The following TET1 variants were observed in gnomAD, a reference collection of about 807,000 sequenced individuals.
The protein encoded by TET1 is tet methylcytosine dioxygenase 1.
TET1 carries 13 observed loss-of-function variants against 148.7 expected under a neutral mutation model. The observed-to-expected ratio is 0.09, with a 90% CI of 0.06 to 0.14. The LOEUF (loss-of-function observed/expected upper bound fraction) is 0.14, where lower values mean the gene tolerates loss of function less well. TET1 is among the 10% of genes least tolerant of loss of function. The pLI is 1.00. For missense variants in TET1, 2,182 were observed against 2,553.8 expected, an observed-to-expected ratio of 0.85 and a Z score of 3.14; for synonymous variants, 907 against 937.2, an observed-to-expected ratio of 0.97 and a Z score of 0.59.
intron 9 of TET1, 146 bp from the exon 10 acceptor site, chr10:68,682,690 A>G: frequency 1.1e-6 from 1 of 898,264 alleles, no homozygotes; most frequent in Non-Finnish European, 1.6e-6. Context: ...GCTAAGCTAC[A>G]CCTTCATGAC....
chr10:68,609,285 C>T (rs932998867), intron 3 of TET1, among the ~76,000 whole-genome samples: 2 of 152,190 alleles, frequency 1.3e-5, no homozygotes, highest in Non-Finnish European at 2.9e-5. Context: ...CCTCACCCTC[C>T]CTAGTGGTTG....
intron 6 of TET1, among the ~76,000 whole-genome samples, chr10:68,664,406 TTTTTTTA>T (rs953807067): frequency 4.9e-5 from 7 of 141,750 alleles, no homozygotes; most frequent in African/African-American, 2.0e-4. Context: ...GCCTTCTTTA[TTTTTTTA>T]TTTTTTTTAA....
chr10:68,607,142 G>A (rs145238331), intron 3 of TET1, among the ~76,000 whole-genome samples: 106 of 151,452 alleles, frequency 7.0e-4, no homozygotes, highest in Non-Finnish European at 1.1e-3. Flanking sequence ...GGAGTTGGAC[G>A]GGTTTAAGGA....
intron 3 of TET1, among the ~76,000 whole-genome samples, chr10:68,639,668 C>T (rs752101114): frequency 6.6e-5 from 10 of 151,968 alleles, no homozygotes; most frequent in Non-Finnish European, 1.2e-4. Context: ...ACTATGTCAC[C>T]CAGGCTGGTT....
rs764243258 is a variant in TET1 at position 68,600,963 on chromosome 10, CA to C, written c.1915-16del. On this transcript the variant is annotated splice_polypyrimidine_tract_variant and intron_variant, in intron 2 of 11. Coordinates refer to ENST00000373644, the MANE Select transcript of TET1 (RefSeq NM_030625.3). The stretch of plus-strand genomic sequence containing the variant: ...ATTTCTTAAACAGAGGCTCATTTTG[CA>C]ATTTGATTTTTTTTAGGTTATAAAG... The C allele has an allele frequency of 1.3e-6, 2 of 1,593,722 alleles. No homozygotes were observed. The highest frequency in any genetic ancestry group is 1.2e-5 in the South Asian group (1 of 85,786).
intron 3 of TET1, among the ~76,000 whole-genome samples, chr10:68,618,332 T>TA (rs1411162734): frequency 4.6e-5 from 7 of 151,996 alleles, no homozygotes; most frequent in Non-Finnish European, 7.4e-5. Context: ...GGCATATTTT[T>TA]TAAAAAAAAT....
chr10:68,649,810 T>C (rs990369397), intron 4 of TET1, among the ~76,000 whole-genome samples: 18 of 152,244 alleles, frequency 1.2e-4, no homozygotes, highest in Admixed American at 6.5e-5. Flanking sequence ...CATATAGGAA[T>C]AGACAGCCAG....
At chr10:68,647,284 G>A (rs963686884) in intron 4 of TET1, among the ~76,000 whole-genome samples, 1 of 152,158 alleles carries the variant, frequency 6.6e-6, no homozygotes, top group Non-Finnish European at 1.5e-5. Context: ...TTGAATGTCT[G>A]TCAATTTATC....
intron 10 of TET1, among the ~76,000 whole-genome samples, chr10:68,683,894 C>T (rs2055473716): frequency 6.6e-6 from 1 of 152,130 alleles, no homozygotes; most frequent in Non-Finnish European, 1.5e-5. Context: ...ATCACATGTC[C>T]ATCGCCTGAA....
chr10:68,606,661 C>A (rs1198784299), intron 3 of TET1, among the ~76,000 whole-genome samples: 1 of 151,318 alleles, frequency 6.6e-6, no homozygotes, highest in Non-Finnish European at 1.5e-5. Flanking sequence ...GGCAACTAAT[C>A]CCAGACTTCT....
At chr10:68,594,706 C>T (rs78493508) in intron 2 of TET1, among the ~76,000 whole-genome samples, 7 of 151,980 alleles carry the variant, frequency 4.6e-5, no homozygotes, top group African/African-American at 7.2e-5. Context: ...AGAACGGGCG[C>T]GGTGACTCAT....
At position 68,654,005 on chromosome 10, in the gene TET1, G is replaced by A. The variant is rs1047109551; in HGVS notation, c.4461+1411G>A. Among the ~76,000 whole-genome samples, 6 of 150,814 alleles carry A rather than the reference G, an allele frequency of 4.0e-5. No individual in the cohort carries two copies. The Admixed American group carries it at 4.0e-4, about 10-fold the overall frequency. Reference sequence around the variant, plus strand: ...ACCTGTAGTCCCAGCTACTTGGGAGGCTGAGGCAGGAGAATCACTTGAACC... The same window carrying A: ...ACCTGTAGTCCCAGCTACTTGGGAGACTGAGGCAGGAGAATCACTTGAACC... On this transcript the variant is annotated intron_variant, in intron 6 of 11. Coordinates refer to ENST00000373644, the MANE Select transcript of TET1 (RefSeq NM_030625.3).
chr10:68,630,573 C>T (rs1206288379), intron 3 of TET1, among the ~76,000 whole-genome samples: 1 of 152,184 alleles, frequency 6.6e-6, no homozygotes, highest in Non-Finnish European at 1.5e-5. Context: ...CCTCGGCCTC[C>T]CAAAGCGCTG....
Position 68,690,984 on chromosome 10 carries a change from C to T in TET1, c.5581C>T (p.Pro1861Ser). ...GAAGACTGCTTCAGCCACACCAGCT[C>T]CACTGAAGAATGACGCAACAGCCTC... is the stretch of plus-strand genomic sequence containing the variant. ...SPKTASATPA[P>S]LKNDATASCG... is the part of the protein sequence containing the mutation. The change falls in exon 12 of 12, where the codon CCA becomes TCA. Residue 1861 changes from proline to serine, a missense_variant. Coordinates refer to ENST00000373644, the MANE Select transcript of TET1 (RefSeq NM_030625.3). 1 of 1,614,216 alleles carries T rather than the reference C, an allele frequency of 6.2e-7. No individual in the cohort carries two copies. The highest frequency in any genetic ancestry group is 8.5e-7 in the Non-Finnish European group (1 of 1,180,036).
chr10:68,574,340 CTA>C, intron 2 of TET1, 88 bp downstream of exon 2: 1 of 1,027,218 alleles, frequency 9.7e-7, no homozygotes, highest in Non-Finnish European at 1.4e-6. Context: ...TCTAGTGTCT[CTA>C]TGTAATAGTG....
At chr10:68,619,959 G>T in intron 3 of TET1, among the ~76,000 whole-genome samples, 1 of 152,204 alleles carries the variant, frequency 6.6e-6, no homozygotes, top group Middle Eastern at 3.4e-3. Context: ...TTGGGAGGCC[G>T]AGCTGGGCAG....
chr10:68,680,137 G>T (rs542964402), intron 8 of TET1, among the ~76,000 whole-genome samples: 2 of 152,360 alleles, frequency 1.3e-5, no homozygotes, highest in Non-Finnish European at 2.9e-5. Context: ...TAAGATGGAG[G>T]CTTGTCAGAA....
Position 68,573,457 on chromosome 10 carries a change from A to G in TET1, c.1119A>G (p.Pro373=). 3 of 1,614,190 alleles carry G rather than the reference A, an allele frequency of 1.9e-6. No homozygotes were observed. The highest frequency in any genetic ancestry group is 2.5e-6 in the Non-Finnish European group (3 of 1,180,040). ...SFLGQAFGAI[P]HQWELPGADP... ...TAGGACAGGCCTTTGGTGCTATCCC[A>G]CATCAATGGGAACTTCCTGGTGCTG... Residue 373 remains proline (P), a synonymous_variant, in exon 2 of 12, where the codon CCA becomes CCG. Coordinates refer to ENST00000373644, the MANE Select transcript of TET1 (RefSeq NM_030625.3).
In TET1 at chr10:68,602,034, A is replaced by T. The variant is rs373949937; in HGVS notation, c.1968+1000A>T. 3.7e-4 allele frequency among the ~76,000 whole-genome samples: 56 copies of T among 152,314 alleles called. No homozygotes were observed. In the South Asian group the frequency reaches 0.011, roughly 31 times the overall value. On this transcript the variant is annotated intron_variant, in intron 3 of 11. Transcript: ENST00000373644. Reference sequence around the variant, plus strand: ...GTAACTTGAAAATGTTGACACGGAGAACCAAACCTTGCCCTGCTTTCAAAT... The same window carrying T: ...GTAACTTGAAAATGTTGACACGGAGTACCAAACCTTGCCCTGCTTTCAAAT...
Sources: allele counts gnomAD v4.1 joint callset (sites outside exome capture counted in the v4.1 genomes callset), GRCh38; gene constraint gnomAD v4.1.1; transcripts MANE v1.5; gene names NCBI Gene and HGNC (gene_info 2026-07-23, HGNC 2026-07-21).